The following IL18RAP variants were observed in gnomAD, a reference collection of about 807,000 sequenced individuals.
IL18RAP encodes the protein interleukin-18 receptor accessory protein.
A neutral mutation model predicts 58.1 loss-of-function variants in IL18RAP; 37 were observed. The ratio of observed to expected loss-of-function variants is 0.64; its 90% CI spans 0.49 to 0.84. The LOEUF (loss-of-function observed/expected upper bound fraction) is 0.84. Ranked by LOEUF, IL18RAP falls within the 40% of genes least tolerant of loss-of-function variation. The pLI, the probability that IL18RAP is intolerant of heterozygous loss-of-function variation, is 0.00. For synonymous variants in IL18RAP, 268 were observed against 257.5 expected, an observed-to-expected ratio of 1.04 and a Z score of -0.39; for missense variants, 667 against 704.8, an observed-to-expected ratio of 0.95 and a Z score of 0.61.
At chr2:102,428,935 A>G (rs947397565) in intron 3 of IL18RAP, among the ~76,000 whole-genome samples, 5 of 151,870 alleles carry the variant, frequency 3.3e-5, no homozygotes, top group African/African-American at 1.2e-4. Context: ...GTCAAATGAT[A>G]TTTCTGCATC....
chr2:102,428,750 A>G lies in IL18RAP; in HGVS notation c.579+4336A>G, dbSNP rs532539357. Among the ~76,000 whole-genome samples the G allele has an allele frequency of 2.0e-5, 3 of 152,002 alleles. No homozygotes were observed. The South Asian group carries it at 6.2e-4, about 32-fold the overall frequency. ...GGACTTCCAGTGCTATGATGAAACG[A>G]GGTAGTAAGAGTGCACATTCTTGTT... On this transcript the variant is annotated intron_variant, in intron 3 of 9. Transcript: ENST00000687160.
At chr2:102,427,192 T>A (rs918795931) in intron 3 of IL18RAP, among the ~76,000 whole-genome samples, 1 of 152,170 alleles carries the variant, frequency 6.6e-6, no homozygotes, top group Non-Finnish European at 1.5e-5. Flanking sequence ...TTGGCTATTG[T>A]GAATAGTGCT....
chr2:102,448,925 C>T (rs760597293), intron 8 of IL18RAP, among the ~76,000 whole-genome samples: 1 of 141,298 alleles, frequency 7.1e-6, no homozygotes, highest in African/African-American at 2.7e-5. Context: ...TACATCACTG[C>T]ACTCCAGCCT....
chr2:102,443,852 C>T (rs547130750), intron 6 of IL18RAP, among the ~76,000 whole-genome samples: 3 of 152,294 alleles, frequency 2.0e-5, no homozygotes, highest in East Asian at 3.9e-4. Context: ...GGAGCTATTA[C>T]ATTGTTTGAG....
upstream of IL18RAP, among the ~76,000 whole-genome samples, chr2:102,419,949 G>A (rs11465679): frequency 1.5e-3 from 223 of 152,332 alleles, no homozygotes; most frequent in African/African-American, 4.8e-3. Flanking sequence ...AGAGTCTGAA[G>A]CTTGCTTTGG....
chr2:102,450,817 T>C, intron 8 of IL18RAP, 31 bp from the exon 9 acceptor site: 6 of 1,458,860 alleles, frequency 4.1e-6, no homozygotes, highest in Non-Finnish European at 5.6e-6. Context: ...AGTAAATGAC[T>C]TATGTTTTTA....
At chr2:102,431,212 G>GT (rs1378713334) in intron 3 of IL18RAP, among the ~76,000 whole-genome samples, 2 of 151,970 alleles carry the variant, frequency 1.3e-5, no homozygotes, top group Admixed American at 6.5e-5. Flanking sequence ...GTTTGTTTGG[G>GT]TTTTTTTCCT....
At chr2:102,428,306 A>G (rs916342992) in intron 3 of IL18RAP, among the ~76,000 whole-genome samples, 15 of 151,140 alleles carry the variant, frequency 9.9e-5, no homozygotes, top group Admixed American at 9.2e-4. Context: ...CATTTTCTCA[A>G]TATTAATTCT....
intron 7 of IL18RAP, 77 bp from the exon 8 acceptor site, chr2:102,446,993 C>A: frequency 6.9e-7 from 1 of 1,451,936 alleles, no homozygotes; most frequent in South Asian, 1.3e-5. Context: ...CTGGGTGGGC[C>A]ATAGCGCCGG....
At chr2:102,422,563 G>A (rs1444452315), upstream of IL18RAP, among the ~76,000 whole-genome samples, 1 of 152,142 alleles carries the variant, frequency 6.6e-6, no homozygotes, top group Non-Finnish European at 1.5e-5. Flanking sequence ...TGGTTTGAAA[G>A]GTCCCATGAC....
chr2:102,424,409 T>A lies in IL18RAP; in HGVS notation c.574T>A (p.Tyr192Asn). ...TGCACAAAGTCCAGCGGTAACCTGG[T>A]ACAAGGTAAGAGTGAATTCTCTAAA... ...SDAQSPAVTW[Y>N]KNGKLLSVER... The change falls in exon 3 of 10, where the codon TAC (tyrosine) becomes AAC (asparagine). Residue 192 changes from tyrosine (Y) to asparagine (N), a missense_variant. Tyr to Asn is a moderately radical substitution (Grantham distance 143). Coordinates refer to ENST00000687160, the MANE Select transcript of IL18RAP (RefSeq NM_001393487.1). 6.2e-7 allele frequency: 1 copy of A among 1,613,416 alleles called. No homozygotes were observed. The highest frequency in any genetic ancestry group is 8.5e-7 in the Non-Finnish European group (1 of 1,179,566).
At chr2:102,431,571 A>C (rs557528756) in intron 3 of IL18RAP, among the ~76,000 whole-genome samples, 3 of 151,872 alleles carry the variant, frequency 2.0e-5, no homozygotes, top group South Asian at 4.2e-4. Context: ...GGTGTCCCAT[A>C]ATTTCCATAA....
chr2:102,447,009 A>G, intron 7 of IL18RAP, 61 bp from the exon 8 acceptor site: 1 of 1,559,552 alleles, frequency 6.4e-7, no homozygotes, highest in East Asian at 2.3e-5. Flanking sequence ...GCCGGCCTGA[A>G]CATGGTCTTG....
intron 8 of IL18RAP, among the ~76,000 whole-genome samples, chr2:102,447,597 T>C (rs1329257417): frequency 6.6e-6 from 1 of 152,176 alleles, no homozygotes; most frequent in Non-Finnish European, 1.5e-5. Context: ...TGAATATCTC[T>C]GTGCCTTTGT....
intron 2 of IL18RAP, 44 bp downstream of exon 2, chr2:102,424,179 T>C (rs1430100618): frequency 1.2e-6 from 2 of 1,606,912 alleles, no homozygotes; most frequent in Non-Finnish European, 1.7e-6. Flanking sequence ...TTCCAAATCC[T>C]CTATTATCTA....
chr2:102,450,797 T>C, intron 8 of IL18RAP, 51 bp from the exon 9 acceptor site: 1 of 1,239,406 alleles, frequency 8.1e-7, no homozygotes, highest in Non-Finnish European at 1.1e-6. Flanking sequence ...ACCATAACAG[T>C]AAAAAAAAGA....
chr2:102,420,392 C>T (rs1053396645), upstream of IL18RAP, among the ~76,000 whole-genome samples: 7 of 151,956 alleles, frequency 4.6e-5, no homozygotes, highest in East Asian at 1.9e-4. Context: ...ATAAGGGTTT[C>T]GGGTGATTCT....
At chr2:102,443,426 C>A (rs911493068) in intron 6 of IL18RAP, 103 bp downstream of exon 6, 4 of 1,296,442 alleles carry the variant, frequency 3.1e-6, no homozygotes, top group South Asian at 2.7e-5. Flanking sequence ...CCACCAGCAC[C>A]GACTAGTGGT....
intron 3 of IL18RAP, among the ~76,000 whole-genome samples, chr2:102,428,369 C>G (rs1302005909): frequency 8.1e-6 from 1 of 123,702 alleles, no homozygotes; most frequent in Non-Finnish European, 1.7e-5. Flanking sequence ...TTCTTCCATT[C>G]CTTTTGTTAG....
Sources: allele counts gnomAD v4.1 joint callset (sites outside exome capture counted in the v4.1 genomes callset), GRCh38; gene constraint gnomAD v4.1.1; transcripts MANE v1.5; gene names NCBI Gene and HGNC (gene_info 2026-07-23, HGNC 2026-07-21).